Variants in LRBA observed in about 807,000 individuals in gnomAD.
LRBA encodes the protein LPS responsive beige-like anchor protein.
In LRBA, 176 loss-of-function variants were observed where a neutral mutation model predicts 330.0. The ratio of observed to expected loss-of-function variants is 0.53; its 90% CI spans 0.47 to 0.60. The LOEUF (loss-of-function observed/expected upper bound fraction) is 0.60, where lower values mean the gene tolerates loss of function less well. Ranked by LOEUF, LRBA falls within the 20% of genes least tolerant of loss-of-function variation. The pLI, the probability that LRBA is intolerant of heterozygous loss-of-function variation, is 0.00. For synonymous variants in LRBA, 1,230 were observed against 1,193.0 expected, an observed-to-expected ratio of 1.03 and a Z score of -0.64; for missense variants, 3,259 against 3,444.8, an observed-to-expected ratio of 0.95 and a Z score of 1.35.
At chr4:150,590,676 G>C in intron 39 of LRBA, 37 bp downstream of exon 39, 1 of 1,598,708 alleles carries the variant, frequency 6.3e-7, no homozygotes. Flanking sequence ...TATTGTCCCA[G>C]AGGTAGCTGA....
At chr4:150,893,220 G>A (rs1729660579) in intron 16 of LRBA, 71 bp from the exon 17 acceptor site, 4 of 749,898 alleles carry the variant, frequency 5.3e-6, no homozygotes, top group Non-Finnish European at 9.0e-6. Flanking sequence ...GAATACTTCT[G>A]AAATAGAAAT....
intron 37 of LRBA, among the ~76,000 whole-genome samples, chr4:150,638,156 C>T (rs956171219): frequency 2.0e-5 from 3 of 151,834 alleles, no homozygotes; most frequent in East Asian, 1.9e-4. Context: ...CTCAGCCTCC[C>T]GAAAAGCTGG....
rs909955313 is a variant in LRBA, at chr4:150,287,991, A to T, written c.8018-1957T>A. On this transcript the variant is annotated intron_variant, in intron 53 of 56. Coordinates refer to ENST00000651943, the MANE Select transcript of LRBA (RefSeq NM_001364905.1). ...CTTAAGCTTCTGTTAGGATCCACAA[A>T]TTTTTTTTTTTTTTTTCTGAGACGG... Among the ~76,000 whole-genome samples, 917 of 144,768 alleles carry T rather than the reference A, an allele frequency of 6.3e-3. 7 individuals are homozygous for T. Among genetic ancestry groups the T allele is most frequent in the African/African-American group, 0.021 (848 of 39,542 alleles). 95.0% of individuals were successfully genotyped at this position (144,768 alleles called of 152,430 possible).
chr4:150,274,842 T>A (rs530740493), intron 56 of LRBA, among the ~76,000 whole-genome samples: 1 of 152,284 alleles, frequency 6.6e-6, no homozygotes, highest in South Asian at 2.1e-4. Flanking sequence ...ACAGCCAATT[T>A]CTACCAGAGG....
At chr4:150,562,715 T>C (rs1001086957) in intron 40 of LRBA, among the ~76,000 whole-genome samples, 4 of 152,200 alleles carry the variant, frequency 2.6e-5, no homozygotes, top group African/African-American at 4.8e-5. Flanking sequence ...ATTTAAATAG[T>C]AGAAACATTA....
intron 26 of LRBA, among the ~76,000 whole-genome samples, chr4:150,846,285 C>G (rs1299138387): frequency 6.6e-6 from 1 of 151,982 alleles, no homozygotes; most frequent in African/African-American, 2.4e-5. Flanking sequence ...AATCCCAGCA[C>G]TTTGGGAGGC....
intron 44 of LRBA, among the ~76,000 whole-genome samples, chr4:150,442,249 A>G (rs1033234979): frequency 2.0e-5 from 3 of 152,194 alleles, no homozygotes; most frequent in African/African-American, 7.2e-5. Context: ...TTAAACTCCA[A>G]CGTTTGGAGA....
chr4:150,553,001 G>A (rs1195622946), intron 40 of LRBA, among the ~76,000 whole-genome samples: 6 of 151,586 alleles, frequency 4.0e-5, no homozygotes, highest in African/African-American at 9.7e-5. Context: ...CCCGGGAAAC[G>A]GAGCTTGCAG....
chr4:150,848,052 T>C (rs1750089770), intron 26 of LRBA, among the ~76,000 whole-genome samples: 4 of 152,102 alleles, frequency 2.6e-5, no homozygotes, highest in South Asian at 2.1e-4. Context: ...TCCCGCTCAA[T>C]TGCCCAGGCT....
intron 47 of LRBA, among the ~76,000 whole-genome samples, chr4:150,397,560 G>A (rs1223417432): frequency 6.6e-6 from 1 of 152,192 alleles, no homozygotes; most frequent in Non-Finnish European, 1.5e-5. Context: ...TTATAGATAT[G>A]TGCCACCATG....
chr4:151,015,556 G>GC (rs958743483), upstream of LRBA: 1 of 152,904 alleles, frequency 6.5e-6, no homozygotes, highest in African/African-American at 2.4e-5. Context: ...GGCCCGCCCC[G>GC]CCCCTGCGCT....
intron 30 of LRBA, among the ~76,000 whole-genome samples, chr4:150,825,965 G>A (rs925800453): frequency 1.2e-4 from 18 of 151,724 alleles, no homozygotes; most frequent in African/African-American, 4.1e-4. Context: ...GACACCAGGA[G>A]GCAAAAAAAC....
chr4:150,695,490 T>C lies in LRBA; in HGVS notation c.5755-11773A>G, dbSNP rs377283915. 3.3e-5 allele frequency among the ~76,000 whole-genome samples: 5 copies of C among 152,114 alleles called. No homozygotes were observed. The East Asian group carries it at 5.8e-4, about 18-fold the overall frequency. ...TGCACACATCACCATGCCCAGCTAA[T>C]ATTTTTCTGTAGAGACAGGGTCTCT... is the stretch of plus-strand genomic sequence containing the variant. On this transcript the variant is annotated intron_variant, in intron 36 of 56. Coordinates refer to ENST00000651943, the MANE Select transcript of LRBA (RefSeq NM_001364905.1).
chr4:150,954,173 GC>G (rs1364388496), intron 2 of LRBA, among the ~76,000 whole-genome samples: 9 of 134,956 alleles, frequency 6.7e-5, no homozygotes, highest in African/African-American at 2.5e-4. Flanking sequence ...CCGGCCAGCC[GC>G]CCCGTCCAGA....
rs1329647346 is a variant in LRBA, at chr4:150,535,424, C to T, written c.6331-44389G>A. On this transcript the variant is annotated intron_variant, in intron 40 of 56. Coordinates refer to ENST00000651943, the MANE Select transcript of LRBA (RefSeq NM_001364905.1). ...AAGCACTGGGATTACAGGCACAAGCCATGGCAGTCAACCTACTATTCTGTT... is the reference window on the plus strand; with the variant it reads ...AAGCACTGGGATTACAGGCACAAGCTATGGCAGTCAACCTACTATTCTGTT... Among the ~76,000 whole-genome samples the T allele has an allele frequency of 2.0e-5, 3 of 152,212 alleles. No homozygotes were observed. In the East Asian group the frequency reaches 5.8e-4, roughly 29 times the overall value.
At chr4:150,975,228 G>T (rs1740013989) in intron 2 of LRBA, among the ~76,000 whole-genome samples, 1 of 152,148 alleles carries the variant, frequency 6.6e-6, no homozygotes, top group African/African-American at 2.4e-5. Flanking sequence ...GCTTCAGGAG[G>T]TAAAGATAAA....
intron 31 of LRBA, among the ~76,000 whole-genome samples, chr4:150,813,033 T>C (rs1743997184): frequency 6.6e-6 from 1 of 152,014 alleles, no homozygotes; most frequent in Admixed American, 6.6e-5. Context: ...GACACACACC[T>C]GTAGTTCTGG....
chr4:150,955,586 C>A (rs1737453880), intron 2 of LRBA, among the ~76,000 whole-genome samples: 1 of 148,012 alleles, frequency 6.8e-6, no homozygotes, highest in East Asian at 1.9e-4. Flanking sequence ...AAACCCCCAT[C>A]TCAATAATAA....
At chr4:150,519,898 G>A (rs1458833244) in intron 40 of LRBA, among the ~76,000 whole-genome samples, 4 of 152,168 alleles carry the variant, frequency 2.6e-5, no homozygotes, top group Non-Finnish European at 4.4e-5. Flanking sequence ...ATCCTAACGT[G>A]TAGTAGTGTC....
Sources: gnomAD v4.1 joint callset for allele counts (sites outside exome capture counted in the v4.1 genomes callset) on GRCh38, gnomAD v4.1.1 for gene constraint, MANE v1.5 for transcripts, NCBI Gene and HGNC (gene_info 2026-07-23, HGNC 2026-07-21) for gene names.